Variants in FERMT2 observed in about 807,000 individuals in gnomAD.
The protein encoded by FERMT2 is FERM domain containing kindlin 2, also known as fermitin family homolog 2.
A neutral mutation model predicts 82.7 loss-of-function variants in FERMT2; 15 were observed. That is an observed-to-expected ratio of 0.18 (90% CI 0.12 to 0.28). The LOEUF is 0.28. Among genes scored for constraint, FERMT2 ranks in the 10% least tolerant of loss-of-function variants. The pLI is 1.00. For synonymous variants in FERMT2, 274 were observed against 271.5 expected (o/e 1.01, Z -0.09); for missense variants, 645 against 809.4 (o/e 0.80, Z 2.46).
At chr14:52,868,797 C>T (rs1168097820) in intron 10 of FERMT2, among the ~76,000 whole-genome samples, 3 of 152,046 alleles carry the variant, frequency 2.0e-5, no homozygotes, top group South Asian at 2.1e-4. Flanking sequence ...TAAGCGTGTA[C>T]AACATAGTCT....
chr14:52,897,656 T>G (rs962804209), intron 3 of FERMT2, among the ~76,000 whole-genome samples: 2 of 151,914 alleles, frequency 1.3e-5, no homozygotes, highest in Non-Finnish European at 2.9e-5. Context: ...TTGGTCAGGT[T>G]TTCTGTTGGT....
At chr14:52,873,945 A>C (rs890569850) in intron 9 of FERMT2, among the ~76,000 whole-genome samples, 41 of 149,022 alleles carry the variant, frequency 2.8e-4, no homozygotes, top group Non-Finnish European at 3.4e-4. Flanking sequence ...TAGGTTTCAC[A>C]ATCTTTTTTT....
chr14:52,889,922 AG>A (rs1886838161), intron 4 of FERMT2, among the ~76,000 whole-genome samples: 1 of 152,066 alleles, frequency 6.6e-6, no homozygotes, highest in Admixed American at 6.6e-5. Context: ...TGAGACCAGG[AG>A]TTCAAGACCA....
chr14:52,874,751 A>C (rs1450801230), intron 8 of FERMT2, among the ~76,000 whole-genome samples: 2 of 152,252 alleles, frequency 1.3e-5, no homozygotes, highest in African/African-American at 2.4e-5. Flanking sequence ...TTAGAGTATT[A>C]GATCTATTCT....
intron 10 of FERMT2, among the ~76,000 whole-genome samples, chr14:52,870,971 T>C (rs1885582539): frequency 6.6e-6 from 1 of 152,210 alleles, no homozygotes; most frequent in African/African-American, 2.4e-5. Flanking sequence ...AGAAAGGCCT[T>C]ATCTACAAAA....
At position 52,898,112 on chromosome 14, in the gene FERMT2, T is replaced by C. The variant is rs146478467; in HGVS notation, c.392-4685A>G. Among the ~76,000 whole-genome samples the C allele has an allele frequency of 2.7e-3, 406 of 152,226 alleles. 2 individuals are homozygous for C. Among genetic ancestry groups the C allele is most frequent in the African/African-American group, 9.2e-3 (383 of 41,542 alleles). On this transcript the variant is annotated intron_variant, in intron 3 of 14. Coordinates refer to ENST00000341590, the MANE Select transcript of FERMT2 (RefSeq NM_006832.3). ...GGTTTCTGAAACCTGAAAATGGAAT[T>C]AGCAGAAGAACTATCCTGAACGAAT...
intron 4 of FERMT2, among the ~76,000 whole-genome samples, chr14:52,888,658 ACT>A (rs1886748309): frequency 6.6e-6 from 1 of 152,040 alleles, no homozygotes; most frequent in South Asian, 2.1e-4. Flanking sequence ...GGACTAGCAT[ACT>A]CTCAAGAATT....
At position 52,872,793 on chromosome 14, in the gene FERMT2, C is replaced by T; in HGVS notation, c.1273+6G>A. On this transcript the variant is annotated splice_donor_region_variant and intron_variant, in intron 10 of 14. Transcript: ENST00000341590. ...ATCAACAACAGCCGTGCCAGGCTCT[C>T]CTTACCCCTGAGGTTCATCTGATGA... 6.2e-7 allele frequency: 1 copy of T among 1,613,670 alleles called. No individual in the cohort carries two copies. The highest frequency in any genetic ancestry group is 8.5e-7 in the Non-Finnish European group (1 of 1,179,836).
chr14:52,929,140 C>T lies in FERMT2; in HGVS notation c.158-9784G>A, dbSNP rs140448087. On this transcript the variant is annotated intron_variant, in intron 2 of 14. Transcript: ENST00000341590. ...TGTAACCCAATTTTTTTTCTTATCC[C>T]TACTCTTATTATACTAACTAGCACC... 2.5e-4 allele frequency among the ~76,000 whole-genome samples: 38 copies of T among 152,152 alleles called. No homozygotes were observed. In the East Asian group the frequency reaches 7.3e-3, roughly 29 times the overall value.
At chr14:52,877,552 A>G (rs1003759800) in intron 7 of FERMT2, among the ~76,000 whole-genome samples, 5 of 137,090 alleles carry the variant, frequency 3.6e-5, no homozygotes, top group Non-Finnish European at 6.3e-5. Flanking sequence ...TGTAAAACTA[A>G]GGTGAAAATT....
chr14:52,904,002 G>A (rs925711709), intron 3 of FERMT2, among the ~76,000 whole-genome samples: 2 of 152,280 alleles, frequency 1.3e-5, no homozygotes, highest in East Asian at 3.9e-4. Context: ...GAAAGTAAAC[G>A]AATCAGCAAC....
At chr14:52,909,340 C>T (rs923434499) in intron 3 of FERMT2, among the ~76,000 whole-genome samples, 1 of 152,140 alleles carries the variant, frequency 6.6e-6, no homozygotes, top group Admixed American at 6.6e-5. Flanking sequence ...ATGAGGCCAA[C>T]CTGACATGCT....
rs550945104 is a variant in FERMT2, at chr14:52,892,736, G to A, written c.526+557C>T. On this transcript the variant is annotated intron_variant, in intron 4 of 14. Coordinates refer to ENST00000341590, the MANE Select transcript of FERMT2 (RefSeq NM_006832.3). Reference sequence around the variant, plus strand: ...TTCCCAAAGTGCTGGGATTACAGGCGTGAGCCACCGCGCCTGGCCTTAAGT... The same window carrying A: ...TTCCCAAAGTGCTGGGATTACAGGCATGAGCCACCGCGCCTGGCCTTAAGT... Among the ~76,000 whole-genome samples the A allele has an allele frequency of 4.6e-5, 7 of 152,242 alleles. No homozygotes were observed. In the South Asian group the frequency reaches 6.2e-4, roughly 14 times the overall value.
At chr14:52,861,566 A>G (rs1884940919) in intron 12 of FERMT2, 1 of 152,752 alleles carries the variant, frequency 6.5e-6, no homozygotes, top group Non-Finnish European at 1.5e-5. Context: ...TTTACACAAG[A>G]AAAGCAAACC....
intron 3 of FERMT2, among the ~76,000 whole-genome samples, chr14:52,917,709 A>G (rs918836826): frequency 6.6e-6 from 1 of 152,194 alleles, no homozygotes; most frequent in South Asian, 2.1e-4. Context: ...AACTACAGTA[A>G]GAGGGTAAAT....
At chr14:52,886,317 G>GTA (rs1344877693) in intron 4 of FERMT2, among the ~76,000 whole-genome samples, 1 of 151,740 alleles carries the variant, frequency 6.6e-6, no homozygotes. Flanking sequence ...GTGATATAAT[G>GTA]TATAGATATA....
chr14:52,907,410 A>G (rs192184157), intron 3 of FERMT2, among the ~76,000 whole-genome samples: 22 of 152,342 alleles, frequency 1.4e-4, no homozygotes, highest in Non-Finnish European at 4.4e-5. Flanking sequence ...GGTAGAAGAA[A>G]AAGGAGACTA....
chr14:52,876,557 T>TA (rs913709595), intron 7 of FERMT2, among the ~76,000 whole-genome samples: 7 of 152,182 alleles, frequency 4.6e-5, no homozygotes, highest in Non-Finnish European at 1.0e-4. Context: ...GAATGGGACT[T>TA]AAAAAATCCA....
chr14:52,929,918 G>A (rs948491989), intron 2 of FERMT2, among the ~76,000 whole-genome samples: 1 of 152,096 alleles, frequency 6.6e-6, no homozygotes, highest in African/African-American at 2.4e-5. Flanking sequence ...TGTATTTTCA[G>A]CACCTAGCAC....
Sources: gnomAD v4.1 joint callset for allele counts (sites outside exome capture counted in the v4.1 genomes callset) on GRCh38, gnomAD v4.1.1 for gene constraint, MANE v1.5 for transcripts, NCBI Gene and HGNC (gene_info 2026-07-23, HGNC 2026-07-21) for gene names.